The following ZNF536 variants were observed in gnomAD, a reference collection of about 807,000 sequenced individuals.
ZNF536 encodes the protein zinc finger protein 536.
A neutral mutation model predicts 84.5 loss-of-function variants in ZNF536; 13 were observed. The ratio of observed to expected loss-of-function variants is 0.15; its 90% CI spans 0.10 to 0.24. ZNF536 has a LOEUF of 0.24. ZNF536 is among the 10% of genes least tolerant of loss of function. The pLI is 1.00. For missense variants in ZNF536, 1,536 were observed against 1,747.5 expected (o/e 0.88, Z 2.16); for synonymous variants, 811 against 742.5 (o/e 1.09, Z -1.50).
At chr19:30,443,095 T>A (rs1369295622) in intron 1 of ZNF536, among the ~76,000 whole-genome samples, 1 of 151,336 alleles carries the variant, frequency 6.6e-6, no homozygotes, top group Non-Finnish European at 1.5e-5. Context: ...CATCTCAGAC[T>A]GGTGAATGTA....
At chr19:30,353,278 C>T (rs986535400) in intron 3 of ZNF536, among the ~76,000 whole-genome samples, 57 of 152,194 alleles carry the variant, frequency 3.7e-4, no homozygotes, top group African/African-American at 1.3e-3. Flanking sequence ...TCTGGGGCTC[C>T]GAGGTGCACT....
At chr19:30,268,349 A>G (rs971977647) in intron 1 of ZNF536, among the ~76,000 whole-genome samples, 2 of 152,138 alleles carry the variant, frequency 1.3e-5, no homozygotes, top group Non-Finnish European at 2.9e-5. Flanking sequence ...CTCTCAACCC[A>G]TCACTATTTA....
At chr19:30,567,855 C>T (rs1013436838) in intron 1 of ZNF536, among the ~76,000 whole-genome samples, 3 of 152,132 alleles carry the variant, frequency 2.0e-5, no homozygotes, top group Non-Finnish European at 2.9e-5. Flanking sequence ...AGGTCTCCCT[C>T]GGTGGGTGGG....
rs767953644 is a variant in ZNF536 at position 30,444,094 on chromosome 19, C to A, written c.532C>A (p.Arg178=). The A allele has an allele frequency of 6.2e-7, 1 of 1,612,560 alleles. No individual in the cohort carries two copies. The highest frequency in any genetic ancestry group is 1.3e-5 in the African/African-American group (1 of 74,936). The change falls in exon 2 of 5, where the codon CGG becomes AGG. Residue 178 remains arginine (R), a synonymous_variant. Transcript: ENST00000355537. ...AQKGNLKIHL[R]THKLGNLGKG... ...GAAGGGGAACCTCAAGATTCACCTG[C>A]GGACCCACAAGCTGGGCAACCTGGG...
intron 2 of ZNF536, among the ~76,000 whole-genome samples, chr19:30,496,291 A>G (rs1433136851): frequency 6.6e-6 from 1 of 152,066 alleles, no homozygotes; most frequent in Non-Finnish European, 1.5e-5. Flanking sequence ...ACTTCCACCC[A>G]TCTCTTAACA....
At position 30,372,829 on chromosome 19, in the gene ZNF536, GC is replaced by G. The variant is rs60120834; in HGVS notation, c.-3+281del. ...CCTACATTAATTCTCTCCATCACCCGCCCCCCCCATCTAATCTGACTGTACC... is the reference window on the plus strand; with the variant it reads ...CCTACATTAATTCTCTCCATCACCCGCCCCCCCATCTAATCTGACTGTACC... On this transcript the variant is annotated intron_variant, in intron 1 of 4. Transcript: ENST00000355537. Among the ~76,000 whole-genome samples, 194 of 143,986 alleles carry G rather than the reference GC, an allele frequency of 1.3e-3. 1 individual carries two copies. The highest frequency in any genetic ancestry group is 4.7e-3 in the African/African-American group (185 of 39,190). 94.5% of individuals were successfully genotyped at this position (143,986 alleles called of 152,430 possible). A position where few individuals can be genotyped will look rare whatever the true frequency, so the allele number is the denominator to read the frequency against.
chr19:30,699,551 T>C (rs900314043), intron 1 of ZNF536, among the ~76,000 whole-genome samples: 2 of 152,192 alleles, frequency 1.3e-5, no homozygotes, highest in Non-Finnish European at 2.9e-5. Flanking sequence ...TTTTTAAAAC[T>C]GAAAACATAA....
At chr19:30,248,767 G>A (rs1045756292) in intron 1 of ZNF536, among the ~76,000 whole-genome samples, 3 of 152,048 alleles carry the variant, frequency 2.0e-5, no homozygotes, top group African/African-American at 7.3e-5. Context: ...GCCAGCAGTG[G>A]TTCTGAGGAA....
At chr19:30,429,233 C>G (rs934234095) in intron 1 of ZNF536, among the ~76,000 whole-genome samples, 2 of 152,152 alleles carry the variant, frequency 1.3e-5, no homozygotes, top group African/African-American at 4.8e-5. Flanking sequence ...ACTTCCTGAG[C>G]ACACCTGCTA....
intron 1 of ZNF536, among the ~76,000 whole-genome samples, chr19:30,563,696 TTTGCAACAGGAGCTG>T (rs1409290721): frequency 2.6e-5 from 4 of 152,054 alleles, no homozygotes; most frequent in African/African-American, 4.8e-5. Flanking sequence ...GACAGTGGGT[TTTGCAACAGGAGCTG>T]TTGTGTGAGG....
At chr19:30,485,165 AATAAATAC>A (rs1555779935) in intron 2 of ZNF536, among the ~76,000 whole-genome samples, 3 of 151,696 alleles carry the variant, frequency 2.0e-5, no homozygotes, top group African/African-American at 2.4e-5. Flanking sequence ...TAAATAAATA[AATAAATAC>A]ATAAATACAT....
chr19:30,338,682 C>T (rs926403256), intron 2 of ZNF536, among the ~76,000 whole-genome samples: 2 of 152,038 alleles, frequency 1.3e-5, no homozygotes, highest in Non-Finnish European at 2.9e-5. Context: ...TGCAGGGGGG[C>T]AATGCTAATA....
chr19:30,275,838 T>A (rs1308949576), intron 1 of ZNF536, among the ~76,000 whole-genome samples: 4 of 104,472 alleles, frequency 3.8e-5, no homozygotes, highest in African/African-American at 1.4e-4. Context: ...TGTGTGTGTG[T>A]GAGTGTGTGT....
intron 1 of ZNF536, among the ~76,000 whole-genome samples, chr19:30,641,837 G>A (rs1432734616): frequency 1.3e-5 from 2 of 152,208 alleles, no homozygotes; most frequent in Non-Finnish European, 2.9e-5. Context: ...GTCCCAAGAT[G>A]AGGAGACCTA....
chr19:30,244,313 A>T (rs776941943), intron 1 of ZNF536, among the ~76,000 whole-genome samples: 78 of 151,856 alleles, frequency 5.1e-4, no homozygotes, highest in Non-Finnish European at 9.0e-4. Context: ...CCCACCCCTC[A>T]GGTGCTGTGC....
intron 1 of ZNF536, among the ~76,000 whole-genome samples, chr19:30,631,524 AG>A (rs1160378628): frequency 6.6e-6 from 1 of 152,222 alleles, no homozygotes; most frequent in Non-Finnish European, 1.5e-5. Context: ...TGGGTCCAGC[AG>A]GTCTCAGATA....
chr19:30,413,026 T>C (rs557824289), intron 1 of ZNF536, among the ~76,000 whole-genome samples: 1 of 152,128 alleles, frequency 6.6e-6, no homozygotes, highest in African/African-American at 2.4e-5. Flanking sequence ...TGTTCTGTAT[T>C]TTATCATTAT....
At chr19:30,352,500 T>C (rs979919652) in intron 3 of ZNF536, 8 of 152,262 alleles carry the variant, frequency 5.3e-5, no homozygotes, top group African/African-American at 1.7e-4. Context: ...TCTTACGATA[T>C]TAGAACTCCT....
At chr19:30,599,513 A>T (rs1275275806) in intron 1 of ZNF536, among the ~76,000 whole-genome samples, 6 of 64,460 alleles carry the variant, frequency 9.3e-5, no homozygotes, top group Non-Finnish European at 1.2e-4. Flanking sequence ...CTTCCTTTCT[A>T]CCTTCCTTCC....
Sources: gnomAD v4.1 joint callset for allele counts (sites outside exome capture counted in the v4.1 genomes callset) on GRCh38, gnomAD v4.1.1 for gene constraint, MANE v1.5 for transcripts, NCBI Gene and HGNC (gene_info 2026-07-23, HGNC 2026-07-21) for gene names.